Variants in EPHA6 observed in about 807,000 individuals in gnomAD.
EPHA6 encodes ephrin type-A receptor 6.
In EPHA6, 50 loss-of-function variants were observed where a neutral mutation model predicts 112.0. The observed-to-expected ratio is 0.45, with a 90% CI of 0.36 to 0.56. The LOEUF is 0.56. EPHA6 is among the 20% of genes least tolerant of loss of function. The probability of loss-of-function intolerance (pLI) is 0.00; values close to 1 mark genes in which losing one functional copy is unlikely to be tolerated. For missense variants in EPHA6, 1,280 were observed against 1,417.4 expected, an observed-to-expected ratio of 0.90 and a Z score of 1.56; for synonymous variants, 529 against 490.7, an observed-to-expected ratio of 1.08 and a Z score of -1.03.
intron 13 of EPHA6, among the ~76,000 whole-genome samples, chr3:97,618,891 G>T (rs1468563818): frequency 1.3e-5 from 2 of 152,000 alleles, no homozygotes; most frequent in Non-Finnish European, 2.9e-5. Flanking sequence ...GAAAAGGAAG[G>T]ACTCCACCAT....
At chr3:97,578,463 T>C (rs2093408198) in intron 11 of EPHA6, among the ~76,000 whole-genome samples, 1 of 152,140 alleles carries the variant, frequency 6.6e-6, no homozygotes, top group South Asian at 2.1e-4. Context: ...TCTGGATGAG[T>C]AAGAAAGCTG....
chr3:97,571,959 T>C (rs1191902358), intron 11 of EPHA6, among the ~76,000 whole-genome samples: 1 of 152,192 alleles, frequency 6.6e-6, no homozygotes, highest in Non-Finnish European at 1.5e-5. Context: ...ACTGCCACTT[T>C]CTGTTTATAA....
chr3:97,517,197 C>T (rs181743639), intron 10 of EPHA6, among the ~76,000 whole-genome samples: 61 of 152,214 alleles, frequency 4.0e-4, no homozygotes, highest in Admixed American at 1.2e-3. Context: ...TATATTAATA[C>T]TCTCAAGCCA....
rs189225140 is a variant in EPHA6 at position 97,060,693 on chromosome 3, C to T, written c.1114+72700C>T. Among the ~76,000 whole-genome samples the T allele has an allele frequency of 5.0e-3, 763 of 151,800 alleles. 10 individuals are homozygous for T. The highest frequency in any genetic ancestry group is 0.017 in the African/African-American group (692 of 41,424). On this transcript the variant is annotated intron_variant, in intron 3 of 17. Coordinates refer to ENST00000389672, the MANE Select transcript of EPHA6 (RefSeq NM_001080448.3). The stretch of plus-strand genomic sequence containing the variant: ...TTGGGAGGCCGAGGCGGGCAGATCA[C>T]GAGGTCAGGAGATCGAGACCATCCT...
Position 97,303,452 on chromosome 3 carries a change from A to G in EPHA6, c.1606+59165A>G, listed in dbSNP as rs546152667. 3.9e-5 allele frequency among the ~76,000 whole-genome samples: 6 copies of G among 152,064 alleles called. No individual in the cohort carries two copies. In the South Asian group the frequency reaches 1.2e-3, roughly 31 times the overall value. ...AGTAGAGCAAGACCGAGCAAGAGAG[A>G]GAGAGAGAGAATTTATGAATTAATT... On this transcript the variant is annotated intron_variant, in intron 5 of 17. Coordinates refer to ENST00000389672, the MANE Select transcript of EPHA6 (RefSeq NM_001080448.3).
At chr3:97,305,534 G>T (rs1160505903) in intron 5 of EPHA6, among the ~76,000 whole-genome samples, 1 of 152,016 alleles carries the variant, frequency 6.6e-6, no homozygotes, top group Non-Finnish European at 1.5e-5. Context: ...ATACTATGCA[G>T]CCATAAAAAG....
rs146965038 is a variant in EPHA6 at position 97,287,251 on chromosome 3, T to G, written c.1606+42964T>G. Among the ~76,000 whole-genome samples the G allele has an allele frequency of 4.5e-3, 681 of 152,284 alleles. 5 individuals are homozygous for G. The highest frequency in any genetic ancestry group is 0.015 in the African/African-American group (640 of 41,580). On this transcript the variant is annotated intron_variant, in intron 5 of 17. Transcript: ENST00000389672. ...ACTTTAATTTTTTTCTCTTGCCTGA[T>G]TGCTCTGGCTAGGACTTGGCATCCT...
chr3:96,943,134 G>A (rs1269820634), intron 2 of EPHA6, among the ~76,000 whole-genome samples: 1 of 151,868 alleles, frequency 6.6e-6, no homozygotes, highest in Non-Finnish European at 1.5e-5. Flanking sequence ...CGTCCTCCAG[G>A]TTCATCCGTG....
chr3:97,133,996 A>G (rs1244759855), intron 3 of EPHA6, among the ~76,000 whole-genome samples: 5 of 152,066 alleles, frequency 3.3e-5, no homozygotes, highest in Admixed American at 3.3e-4. Context: ...ACATATTGGA[A>G]CTAAAGGAAA....
At chr3:97,639,813 CA>C (rs2093985040) in intron 14 of EPHA6, among the ~76,000 whole-genome samples, 1 of 152,128 alleles carries the variant, frequency 6.6e-6, no homozygotes, top group Admixed American at 6.6e-5. Flanking sequence ...GATTGGACCC[CA>C]GACTTAAATA....
intron 4 of EPHA6, among the ~76,000 whole-genome samples, chr3:97,230,170 T>C (rs2078483457): frequency 6.6e-6 from 1 of 152,146 alleles, no homozygotes; most frequent in Admixed American, 6.6e-5. Context: ...AAAATATCTT[T>C]TTATTTTCTT....
chr3:96,891,578 G>A (rs1440162179), intron 2 of EPHA6, among the ~76,000 whole-genome samples: 7 of 151,954 alleles, frequency 4.6e-5, no homozygotes, highest in African/African-American at 1.2e-4. Context: ...GTATGGTGAC[G>A]GGTTCCTGTA....
intron 2 of EPHA6, among the ~76,000 whole-genome samples, chr3:96,970,638 A>G (rs2042282046): frequency 6.6e-6 from 1 of 152,108 alleles, no homozygotes. Flanking sequence ...AACCAACTGC[A>G]ATCCCTGTTG....
At chr3:97,312,657 G>C (rs892690635) in intron 5 of EPHA6, among the ~76,000 whole-genome samples, 6 of 151,440 alleles carry the variant, frequency 4.0e-5, no homozygotes, top group African/African-American at 1.2e-4. Flanking sequence ...TTGGATTGAA[G>C]AAGTTTCCTC....
At chr3:97,710,398 C>T (rs925553626) in intron 14 of EPHA6, among the ~76,000 whole-genome samples, 1 of 152,180 alleles carries the variant, frequency 6.6e-6, no homozygotes, top group African/African-American at 2.4e-5. Flanking sequence ...GCAATAGCTG[C>T]AAAAGAAGAC....
intron 2 of EPHA6, among the ~76,000 whole-genome samples, chr3:96,875,102 T>A (rs965710157): frequency 2.0e-5 from 3 of 152,068 alleles, no homozygotes; most frequent in African/African-American, 7.2e-5. Context: ...GGCTGCCAGA[T>A]TGTAAATACA....
intron 5 of EPHA6, among the ~76,000 whole-genome samples, chr3:97,396,468 G>A (rs1211648208): frequency 6.7e-6 from 1 of 150,166 alleles, no homozygotes; most frequent in Admixed American, 6.7e-5. Context: ...AATAGTATTA[G>A]GAAAATTAAA....
At chr3:96,955,784 C>A (rs538558689) in intron 2 of EPHA6, among the ~76,000 whole-genome samples, 14 of 152,256 alleles carry the variant, frequency 9.2e-5, no homozygotes, top group Admixed American at 2.0e-4. Flanking sequence ...ATATTTCCTA[C>A]CTTCTAACAC....
chr3:97,466,121 A>C (rs1314537751), intron 7 of EPHA6: 1 of 497,458 alleles, frequency 2.0e-6, no homozygotes, highest in African/African-American at 1.9e-5. Context: ...CACATGTGTT[A>C]GTCTTTCTGT....
Sources: allele counts gnomAD v4.1 joint callset (sites outside exome capture counted in the v4.1 genomes callset), GRCh38; gene constraint gnomAD v4.1.1; transcripts MANE v1.5; gene names NCBI Gene and HGNC (gene_info 2026-07-23, HGNC 2026-07-21).